Variants in SLC39A12 observed in about 807,000 individuals in gnomAD.
SLC39A12 encodes solute carrier family 39 member 12.
SLC39A12 carries 63 observed loss-of-function variants against 71.1 expected under a neutral mutation model. The observed-to-expected ratio is 0.89, with a 90% CI of 0.72 to 1.09. SLC39A12 has a LOEUF of 1.09. Ranked by LOEUF, SLC39A12 falls within the 50% of genes least tolerant of loss-of-function variation. The pLI, the probability that SLC39A12 is intolerant of heterozygous loss-of-function variation, is 0.00. For synonymous variants in SLC39A12, 351 were observed against 301.3 expected (o/e 1.16, Z -1.71); for missense variants, 892 against 812.6 (o/e 1.10, Z -1.19).
chr10:18,002,992 C>T (rs562512094), intron 11 of SLC39A12, 179 bp from the exon 12 acceptor site: 55 of 555,636 alleles, frequency 9.9e-5, no homozygotes, highest in South Asian at 5.2e-4. Flanking sequence ...CCTAATAGTA[C>T]GATGAATGGG....
chr10:18,033,133 C>T (rs1251908042), intron 12 of SLC39A12, among the ~76,000 whole-genome samples: 8 of 139,184 alleles, frequency 5.7e-5, no homozygotes, highest in African/African-American at 1.6e-4. Flanking sequence ...TGTCTCTGCC[C>T]GGCTTTGGTA....
intron 6 of SLC39A12, among the ~76,000 whole-genome samples, chr10:17,986,122 CAGCT>C (rs1835390742): frequency 6.6e-6 from 1 of 152,176 alleles, no homozygotes; most frequent in Non-Finnish European, 1.5e-5. Context: ...TCCTATGTAA[CAGCT>C]AGTCTTTTCG....
chr10:18,030,689 G>A (rs1222617797), intron 12 of SLC39A12, among the ~76,000 whole-genome samples: 4 of 149,648 alleles, frequency 2.7e-5, no homozygotes, highest in Non-Finnish European at 5.9e-5. Flanking sequence ...TGTGCACATT[G>A]TGCAGGTTAG....
At chr10:18,027,938 T>C (rs1836724712) in intron 12 of SLC39A12, among the ~76,000 whole-genome samples, 1 of 152,242 alleles carries the variant, frequency 6.6e-6, no homozygotes, top group Non-Finnish European at 1.5e-5. Context: ...TGTGTTCCTC[T>C]AGAAATTAAA....
chr10:18,020,437 A>G (rs1273275085), intron 12 of SLC39A12, among the ~76,000 whole-genome samples: 2 of 152,104 alleles, frequency 1.3e-5, no homozygotes, highest in South Asian at 2.1e-4. Flanking sequence ...ATATGGGTGC[A>G]TGTGTCTTTA....
At chr10:17,981,039 C>G (rs1369389455) in intron 5 of SLC39A12, among the ~76,000 whole-genome samples, 10 of 152,108 alleles carry the variant, frequency 6.6e-5, no homozygotes, top group African/African-American at 2.4e-4. Context: ...TTGTAAAACA[C>G]AATGTGTCTT....
In SLC39A12 at chr10:18,010,643, C is replaced by G. The variant is rs1000997831; in HGVS notation, c.1947+7285C>G. ...AGCCAACTTTGGTGAACGCTGAATT[C>G]TCTCTATAATTAAAAGAAACTGACC... On this transcript the variant is annotated intron_variant, in intron 12 of 12. Transcript: ENST00000377369. 12 of 152,222 alleles carry G rather than the reference C, an allele frequency of 7.9e-5. No individual in the cohort carries two copies. The South Asian group carries it at 8.3e-4, about 11-fold the overall frequency. 9.4% of individuals were successfully genotyped at this position (152,222 alleles called of 1,614,324 possible).
At chr10:17,979,988 A>G (rs1835211069) in intron 5 of SLC39A12, among the ~76,000 whole-genome samples, 1 of 152,124 alleles carries the variant, frequency 6.6e-6, no homozygotes, top group Non-Finnish European at 1.5e-5. Flanking sequence ...ATGCAGAGGG[A>G]AAAAGAAAAA....
Position 17,961,690 on chromosome 10 carries a change from A to T in SLC39A12, c.371A>T (p.His124Leu). 1 of 1,614,092 alleles carries T rather than the reference A, an allele frequency of 6.2e-7. No homozygotes were observed. The highest frequency in any genetic ancestry group is 8.5e-7 in the Non-Finnish European group (1 of 1,179,954). ...CTTCTCCTTCTCTATTACATTATTC[A>T]TCAGGAAGAGATCTGTTCTTCAAAG... ...VSLLLLYYII[H>L]QEEICSSKLN... The change falls in exon 3 of 13, where the codon CAT becomes CTT. Residue 124 changes from histidine (H) to leucine (L), a missense_variant. Physicochemically the swap from His to Leu is moderately conservative, Grantham distance 99 (BLOSUM62 -3). Coordinates refer to ENST00000377369, the MANE Select transcript of SLC39A12 (RefSeq NM_001145195.2).
At chr10:17,967,074 G>C (rs78953313) in intron 4 of SLC39A12, among the ~76,000 whole-genome samples, 2,061 of 152,012 alleles carry the variant, frequency 0.014, 40 homozygotes, top group African/African-American at 0.043. Context: ...CAAATTGTTG[G>C]TTTGTCCAAG....
intron 4 of SLC39A12, among the ~76,000 whole-genome samples, chr10:17,967,874 G>A (rs1283092652): frequency 7.4e-6 from 1 of 135,806 alleles, no homozygotes; most frequent in Admixed American, 7.6e-5. Flanking sequence ...GCGACAGAGC[G>A]AGACTCCGCC....
intron 12 of SLC39A12, among the ~76,000 whole-genome samples, chr10:18,017,622 C>T (rs568072193): frequency 7.0e-4 from 107 of 152,240 alleles, no homozygotes; most frequent in Admixed American, 1.8e-3. Context: ...CAGGTTGTTC[C>T]AGCACCATTT....
rs182757741 is a variant in SLC39A12, at chr10:17,980,494, G to A, written c.925-818G>A. On this transcript the variant is annotated intron_variant, in intron 5 of 12. Coordinates refer to ENST00000377369, the MANE Select transcript of SLC39A12 (RefSeq NM_001145195.2). ...TCCATTTGTGAGAGTGAAACTACCC[G>A]TCATTCTCACTCACCTACTAAAACT... Among the ~76,000 whole-genome samples, 94 of 152,256 alleles carry A rather than the reference G, an allele frequency of 6.2e-4. 1 individual carries two copies. Among genetic ancestry groups the A allele is most frequent in the Admixed American group, 5.1e-3 (78 of 15,290 alleles).
At chr10:18,036,826 G>A (rs1429090170) in intron 12 of SLC39A12, among the ~76,000 whole-genome samples, 3 of 125,274 alleles carry the variant, frequency 2.4e-5, no homozygotes, top group Non-Finnish European at 4.8e-5. Context: ...CACTCTTGTC[G>A]CCTAGCCTGC....
At chr10:17,965,042 A>C (rs1589221247) in intron 3 of SLC39A12, among the ~76,000 whole-genome samples, 2 of 152,130 alleles carry the variant, frequency 1.3e-5, no homozygotes, top group African/African-American at 4.8e-5. Context: ...CCCCATCTCT[A>C]CTAAAAATAC....
Position 17,992,843 on chromosome 10 carries a change from C to T in SLC39A12, c.1423-338C>T, listed in dbSNP as rs149081558. ...CTGCAAATGCTTTACTTGATGAATA[C>T]ATTTCCAGAGACATTGTTTTAGTAG... is the stretch of plus-strand genomic sequence containing the variant. On this transcript the variant is annotated intron_variant, in intron 8 of 12. Coordinates refer to ENST00000377369, the MANE Select transcript of SLC39A12 (RefSeq NM_001145195.2). Among the ~76,000 whole-genome samples, 30 of 152,286 alleles carry T rather than the reference C, an allele frequency of 2.0e-4. No homozygotes were observed. In the East Asian group the frequency reaches 5.2e-3, roughly 26 times the overall value.
intron 4 of SLC39A12, among the ~76,000 whole-genome samples, chr10:17,976,384 C>T (rs937546544): frequency 1.3e-5 from 2 of 152,058 alleles, no homozygotes; most frequent in African/African-American, 4.8e-5. Flanking sequence ...TTTTCTTTTG[C>T]TGCTTTCAAG....
At position 17,997,022 on chromosome 10, in the gene SLC39A12, CAAAA is replaced by C. The variant is rs71924913; in HGVS notation, c.1600+1312_1600+1315del. On this transcript the variant is annotated intron_variant, in intron 10 of 12. Transcript: ENST00000377369. ...TGTGCAACAGAGTGAGACTCCGTCT[CAAAA>C]AAAAAAAAAAAGAAAAAGAAAAAAG... Among the ~76,000 whole-genome samples, 13 of 115,538 alleles carry C rather than the reference CAAAA, an allele frequency of 1.1e-4. No individual in the cohort carries two copies. The South Asian group carries it at 2.1e-3, about 19-fold the overall frequency. The allele number at this position is 115,538 out of a possible 152,430, so 75.8% of individuals were successfully genotyped here.
chr10:18,040,903 A>G (rs1837207335), intron 12 of SLC39A12, among the ~76,000 whole-genome samples: 1 of 151,916 alleles, frequency 6.6e-6, no homozygotes, highest in Admixed American at 6.6e-5. Context: ...AGAAAATTTG[A>G]CTGTGTCTGG....
Sources: gnomAD v4.1 joint callset for allele counts (sites outside exome capture counted in the v4.1 genomes callset) on GRCh38, gnomAD v4.1.1 for gene constraint, MANE v1.5 for transcripts, NCBI Gene and HGNC (gene_info 2026-07-23, HGNC 2026-07-21) for gene names.